The following C7 variants were observed in gnomAD, a reference collection of about 807,000 sequenced individuals.
C7 encodes the protein complement component C7.
Under a neutral mutation model 104.8 loss-of-function variants are expected in C7, and 83 were observed. That is an observed-to-expected ratio of 0.79 (90% CI 0.66 to 0.95). The LOEUF is 0.95. C7 is among the 40% of genes least tolerant of loss of function. The pLI is 0.00. For missense variants in C7, 1,070 were observed against 1,011.2 expected, an observed-to-expected ratio of 1.06 and a Z score of -0.79; for synonymous variants, 415 against 360.6, an observed-to-expected ratio of 1.15 and a Z score of -1.71.
intron 14 of C7, among the ~76,000 whole-genome samples, chr5:40,969,893 A>T (rs1291993702): frequency 6.6e-6 from 1 of 151,958 alleles, no homozygotes; most frequent in Non-Finnish European, 1.5e-5. Flanking sequence ...CTGCCTTGTT[A>T]GTGCTCTGAT....
In C7 at chr5:40,982,422, A is replaced by T. The variant is rs1740970634; in HGVS notation, c.*849A>T. On this transcript the variant is annotated 3_prime_UTR_variant, in exon 18 of 18. Transcript: ENST00000313164. ...GCCTCCCAAAGTGCTGGGATTACAGACATGAACCACCACGCCTGGCTGGAA... is the reference window on the plus strand; with the variant it reads ...GCCTCCCAAAGTGCTGGGATTACAGTCATGAACCACCACGCCTGGCTGGAA... 6.6e-6 allele frequency: 1 copy of T among 152,262 alleles called. No homozygotes were observed. Among genetic ancestry groups the T allele is most frequent in the Non-Finnish European group, 1.5e-5 (1 of 68,078 alleles). The allele number at this position is 152,262 out of a possible 1,614,324, so 9.4% of individuals were successfully genotyped here. A position where few individuals can be genotyped will look rare whatever the true frequency, so the allele number is the denominator to read the frequency against.
At chr5:40,970,480 T>C (rs1248462389) in intron 14 of C7, among the ~76,000 whole-genome samples, 1 of 152,158 alleles carries the variant, frequency 6.6e-6, no homozygotes, top group Non-Finnish European at 1.5e-5. Context: ...TGAACACTTT[T>C]ATGTCTGCAA....
intron 4 of C7, among the ~76,000 whole-genome samples, chr5:40,934,855 T>C (rs2111592411): frequency 6.6e-6 from 1 of 152,202 alleles, no homozygotes; most frequent in East Asian, 1.9e-4. Flanking sequence ...AATGAACTGA[T>C]TAAGGAGCAA....
chr5:40,981,599 C>T lies in C7; in HGVS notation c.*26C>T, dbSNP rs184914314. The T allele has an allele frequency of 1.1e-4, 171 of 1,578,182 alleles. 1 individual carries two copies. The highest frequency in any genetic ancestry group is 5.6e-5 in the Non-Finnish European group (65 of 1,157,812). On this transcript the variant is annotated 3_prime_UTR_variant, in exon 18 of 18. Transcript: ENST00000313164. Reference sequence around the variant, plus strand: ...GCTCCTGGAGGCCCTGGTCAGCTTGCTTGGAATCCAGCAGGCAGCTGGGGC... The same window carrying T: ...GCTCCTGGAGGCCCTGGTCAGCTTGTTTGGAATCCAGCAGGCAGCTGGGGC...
At chr5:40,979,014 G>A (rs906545248) in intron 16 of C7, among the ~76,000 whole-genome samples, 5 of 150,930 alleles carry the variant, frequency 3.3e-5, no homozygotes, top group African/African-American at 1.2e-4. Context: ...TGAGTAGCTG[G>A]GATTACAGGT....
At chr5:40,926,899 T>C (rs1739565773) in intron 1 of C7, among the ~76,000 whole-genome samples, 1 of 151,526 alleles carries the variant, frequency 6.6e-6, no homozygotes, top group South Asian at 2.1e-4. Context: ...GAAAAAAATC[T>C]TAAAGTTCAT....
At position 40,981,616 on chromosome 5, in the gene C7, A is replaced by C; in HGVS notation, c.*43A>C. 2 of 1,530,734 alleles carry C rather than the reference A, an allele frequency of 1.3e-6. No individual in the cohort carries two copies. The highest frequency in any genetic ancestry group is 1.8e-6 in the Non-Finnish European group (2 of 1,126,200). The allele number at this position is 1,530,734 out of a possible 1,614,324, so 94.8% of individuals were successfully genotyped here. Reference sequence around the variant, plus strand: ...TCAGCTTGCTTGGAATCCAGCAGGCAGCTGGGGCTGAGTGAAAACATCTGC... The same window carrying C: ...TCAGCTTGCTTGGAATCCAGCAGGCCGCTGGGGCTGAGTGAAAACATCTGC... On this transcript the variant is annotated 3_prime_UTR_variant, in exon 18 of 18. Transcript: ENST00000313164.
At chr5:40,946,738 T>C (rs1367884482) in intron 7 of C7, among the ~76,000 whole-genome samples, 1 of 152,128 alleles carries the variant, frequency 6.6e-6, no homozygotes, top group African/African-American at 2.4e-5. Flanking sequence ...GAAGATGGCA[T>C]AGCAACTTGG....
chr5:40,981,455 G>A lies in C7; in HGVS notation c.2414G>A (p.Cys805Tyr). 1 of 1,613,788 alleles carries A rather than the reference G, an allele frequency of 6.2e-7. No homozygotes were observed. ...TGCGAGGAAGAAGGGTTTAGCATTT[G>A]TGTGGAAGTGAACGGCAAGGAGCAG... Reference protein sequence around the residue: ...SECEEEGFSICVEVNGKEQTM... With the variant: ...SECEEEGFSIYVEVNGKEQTM... The change falls in exon 18 of 18, where the codon TGT becomes TAT. Residue 805 changes from cysteine (C) to tyrosine (Y), a missense_variant. Coordinates refer to ENST00000313164, the MANE Select transcript of C7 (RefSeq NM_000587.4).
At chr5:40,932,467 G>A (rs1304097693) in intron 3 of C7, among the ~76,000 whole-genome samples, 1 of 152,026 alleles carries the variant, frequency 6.6e-6, no homozygotes, top group African/African-American at 2.4e-5. Flanking sequence ...TCCAGTTTGG[G>A]TAAAATTATA....
intron 14 of C7, among the ~76,000 whole-genome samples, chr5:40,970,443 G>C (rs1740674403): frequency 6.6e-6 from 1 of 152,086 alleles, no homozygotes; most frequent in Non-Finnish European, 1.5e-5. Flanking sequence ...GAGTAAGAAA[G>C]AATACAGATG....
At chr5:40,976,609 G>T in intron 15 of C7, 141 bp from the exon 16 acceptor site, 1 of 528,098 alleles carries the variant, frequency 1.9e-6, no homozygotes, top group Non-Finnish European at 3.4e-6. Context: ...ATCACACCTT[G>T]ATTATTATTA....
intron 14 of C7, among the ~76,000 whole-genome samples, chr5:40,971,655 T>C (rs540178553): frequency 9.5e-4 from 144 of 152,318 alleles, no homozygotes; most frequent in African/African-American, 3.5e-3. Context: ...TCATGAAGTC[T>C]TTGCCCATGC....
intron 1 of C7, among the ~76,000 whole-genome samples, chr5:40,912,485 C>A (rs1173150566): frequency 1.3e-5 from 2 of 151,968 alleles, no homozygotes; most frequent in Non-Finnish European, 2.9e-5. Context: ...CTCAAGTGAT[C>A]CTCCCACCTT....
At chr5:40,967,459 C>T (rs1182082357) in intron 14 of C7, 1 of 152,150 alleles carries the variant, frequency 6.6e-6, no homozygotes, top group East Asian at 1.9e-4. Flanking sequence ...ATTCTTGTCT[C>T]CCAGGCTGGA....
chr5:40,943,189 G>A, intron 6 of C7, among the ~76,000 whole-genome samples: 1 of 152,198 alleles, frequency 6.6e-6, no homozygotes, highest in Non-Finnish European at 1.5e-5. Flanking sequence ...AGCTGAAACA[G>A]GAAGGAAGTG....
intron 9 of C7, among the ~76,000 whole-genome samples, chr5:40,953,174 A>G (rs1191049796): frequency 6.6e-6 from 1 of 152,334 alleles, no homozygotes; most frequent in Admixed American, 6.5e-5. Context: ...GTGATTTGTT[A>G]AAACTATTAA....
intron 3 of C7, 86 bp downstream of exon 3, chr5:40,931,225 A>T: frequency 1.1e-6 from 1 of 914,872 alleles, no homozygotes; most frequent in Non-Finnish European, 1.8e-6. Context: ...TTGAATGTTC[A>T]TTAAATAGTG....
At chr5:40,963,727 A>G (rs1381249312) in intron 13 of C7, among the ~76,000 whole-genome samples, 2 of 151,912 alleles carry the variant, frequency 1.3e-5, no homozygotes, top group East Asian at 3.9e-4. Flanking sequence ...CCCTTCATCC[A>G]TCCCCAGGCT....
Sources: allele counts gnomAD v4.1 joint callset (sites outside exome capture counted in the v4.1 genomes callset), GRCh38; gene constraint gnomAD v4.1.1; transcripts MANE v1.5; gene names NCBI Gene and HGNC (gene_info 2026-07-23, HGNC 2026-07-21).